RSPO3: variants seen among roughly 807,000 people sequenced by gnomAD.
The protein encoded by RSPO3 is R-spondin 3.
Under a neutral mutation model 36.5 loss-of-function variants are expected in RSPO3, and 17 were observed. That is an observed-to-expected ratio of 0.47 (90% CI 0.32 to 0.70). RSPO3 has a LOEUF of 0.70. Ranked by LOEUF, RSPO3 falls within the 30% of genes least tolerant of loss-of-function variation. RSPO3 has a pLI of 0.04. For missense variants in RSPO3, 294 were observed against 322.5 expected, an observed-to-expected ratio of 0.91 and a Z score of 0.68; for synonymous variants, 108 against 107.0, an observed-to-expected ratio of 1.01 and a Z score of -0.06.
At chr6:127,156,457 T>C (rs1382788090) in intron 4 of RSPO3, among the ~76,000 whole-genome samples, 3 of 152,208 alleles carry the variant, frequency 2.0e-5, no homozygotes, top group Non-Finnish European at 4.4e-5. Context: ...ATATGTTGTG[T>C]AGTTTTATGT....
chr6:127,161,329 C>T (rs1051075511), intron 4 of RSPO3, among the ~76,000 whole-genome samples: 2 of 152,084 alleles, frequency 1.3e-5, no homozygotes, highest in African/African-American at 4.8e-5. Context: ...ACACATTTTA[C>T]ATCCTATTGT....
chr6:127,188,464 G>A (rs1775341338), intron 4 of RSPO3, among the ~76,000 whole-genome samples: 2 of 151,576 alleles, frequency 1.3e-5, no homozygotes, highest in African/African-American at 2.4e-5. Context: ...CTCTTTTTTA[G>A]TATTAAGTAT....
chr6:127,192,641 T>A, intron 4 of RSPO3: 1 of 985,190 alleles, frequency 1.0e-6, no homozygotes. Flanking sequence ...AACACCCTCA[T>A]AGGTAGAACA....
chr6:127,143,284 T>C (rs1240590972), intron 1 of RSPO3, among the ~76,000 whole-genome samples: 1 of 152,092 alleles, frequency 6.6e-6, no homozygotes, highest in African/African-American at 2.4e-5. Context: ...ATGAGACCTC[T>C]TCCCTCAGGA....
At chr6:127,145,467 A>T (rs1448325035) in intron 1 of RSPO3, among the ~76,000 whole-genome samples, 1 of 152,126 alleles carries the variant, frequency 6.6e-6, no homozygotes, top group Non-Finnish European at 1.5e-5. Context: ...GAAGAATTTC[A>T]TTGGCCTATC....
At chr6:127,164,554 A>G (rs1463147703) in intron 4 of RSPO3, among the ~76,000 whole-genome samples, 2 of 151,862 alleles carry the variant, frequency 1.3e-5, no homozygotes, top group Non-Finnish European at 1.5e-5. Flanking sequence ...TTTTGGGAGT[A>G]AACTGGCTTT....
At chr6:127,127,121 G>A (rs1773953684) in intron 1 of RSPO3, among the ~76,000 whole-genome samples, 1 of 151,966 alleles carries the variant, frequency 6.6e-6, no homozygotes, top group Admixed American at 6.6e-5. Context: ...TGGTAAAGCA[G>A]CCCCCATTTT....
At chr6:127,179,067 A>T (rs191516292) in intron 4 of RSPO3, among the ~76,000 whole-genome samples, 3 of 152,020 alleles carry the variant, frequency 2.0e-5, no homozygotes, top group Non-Finnish European at 4.4e-5. Context: ...CTTGCAGATG[A>T]TATAGTCCAG....
chr6:127,195,733 C>A, intron 4 of RSPO3, 90 bp from the exon 5 acceptor site: 1 of 848,660 alleles, frequency 1.2e-6, no homozygotes, highest in Non-Finnish European at 1.8e-6. Flanking sequence ...GATATATAAT[C>A]TAAGAGAAAT....
chr6:127,119,638 A>T (rs1773797050), intron 1 of RSPO3, among the ~76,000 whole-genome samples: 1 of 152,240 alleles, frequency 6.6e-6, no homozygotes, highest in South Asian at 2.1e-4. Flanking sequence ...ACCCAGCCGA[A>T]GGCACTTGGG....
At position 127,119,083 on chromosome 6, in the gene RSPO3, C is replaced by T; in HGVS notation, c.-110C>T. The T allele has an allele frequency of 1.3e-6, 1 of 785,832 alleles. No homozygotes were observed. The highest frequency in any genetic ancestry group is 2.0e-6 in the Non-Finnish European group (1 of 494,768). The allele number at this position is 785,832 out of a possible 1,614,324, so 48.7% of individuals were successfully genotyped here. A position where few individuals can be genotyped will look rare whatever the true frequency, so the allele number is the denominator to read the frequency against. On this transcript the variant is annotated 5_prime_UTR_variant, in exon 1 of 5. Transcript: ENST00000356698. ...GGATGTGAGAGGAGAAGTCCCGCTG[C>T]TCGGGCACTGTCTATATACGCCTAA... is the stretch of plus-strand genomic sequence containing the variant.
intron 4 of RSPO3, among the ~76,000 whole-genome samples, chr6:127,169,736 A>G (rs1248411627): frequency 6.6e-6 from 1 of 151,912 alleles, no homozygotes; most frequent in Non-Finnish European, 1.5e-5. Flanking sequence ...TATGGACACA[A>G]TATTTTGTGA....
At chr6:127,121,458 T>C (rs1317809398) in intron 1 of RSPO3, among the ~76,000 whole-genome samples, 1 of 152,178 alleles carries the variant, frequency 6.6e-6, no homozygotes, top group Non-Finnish European at 1.5e-5. Context: ...TGGGTTGCAA[T>C]TCCAATTTTT....
chr6:127,165,789 T>G (rs1554221724), intron 4 of RSPO3, among the ~76,000 whole-genome samples: 3 of 152,010 alleles, frequency 2.0e-5, no homozygotes, highest in Non-Finnish European at 4.4e-5. Context: ...TGAAATAGTT[T>G]AAAAACCAGA....
intron 4 of RSPO3, among the ~76,000 whole-genome samples, chr6:127,170,790 T>C (rs1774920403): frequency 6.6e-6 from 1 of 151,802 alleles, no homozygotes; most frequent in East Asian, 1.9e-4. Context: ...AAATGGCAAA[T>C]ACTATATGAT....
intron 4 of RSPO3, among the ~76,000 whole-genome samples, chr6:127,163,128 A>C (rs1032795106): frequency 3.3e-5 from 5 of 152,054 alleles, no homozygotes; most frequent in African/African-American, 1.2e-4. Context: ...CATCAGCATA[A>C]ATTTAAATTC....
At chr6:127,186,024 A>C (rs1775287473) in intron 4 of RSPO3, among the ~76,000 whole-genome samples, 1 of 152,180 alleles carries the variant, frequency 6.6e-6, no homozygotes, top group African/African-American at 2.4e-5. Flanking sequence ...AATAAAAATC[A>C]AATGATAAAT....
At chr6:127,133,539 T>C (rs1355267076) in intron 1 of RSPO3, among the ~76,000 whole-genome samples, 1 of 152,148 alleles carries the variant, frequency 6.6e-6, no homozygotes, top group Non-Finnish European at 1.5e-5. Context: ...AAACTGATCT[T>C]AAAGTCCACT....
rs34741454 is a variant in RSPO3 at position 127,139,582 on chromosome 6, TA to T, written c.98-9057del. On this transcript the variant is annotated intron_variant, in intron 1 of 4. Coordinates refer to ENST00000356698, the MANE Select transcript of RSPO3 (RefSeq NM_032784.5). The stretch of plus-strand genomic sequence containing the variant: ...GTTAGAAAAAAAATATTTCTAACCT[TA>T]AAAAAAAATTTCTAATTATTTCTAA... Among the ~76,000 whole-genome samples the T allele has an allele frequency of 2.6e-4, 40 of 151,334 alleles. No homozygotes were observed. In the East Asian group the frequency reaches 3.1e-3, roughly 12 times the overall value.
Sources: allele counts gnomAD v4.1 joint callset (sites outside exome capture counted in the v4.1 genomes callset), GRCh38; gene constraint gnomAD v4.1.1; transcripts MANE v1.5; gene names NCBI Gene and HGNC (gene_info 2026-07-23, HGNC 2026-07-21).